Variants in USP19 observed in about 807,000 individuals in gnomAD.
USP19 encodes the protein ubiquitin carboxyl-terminal hydrolase 19.
USP19 carries 40 observed loss-of-function variants against 144.8 expected under a neutral mutation model. The observed-to-expected ratio is 0.28, with a 90% CI of 0.21 to 0.36. USP19 has a LOEUF of 0.36. Ranked by LOEUF, USP19 falls within the 10% of genes least tolerant of loss-of-function variation. The pLI is 1.00. For missense variants in USP19, 1,518 were observed against 1,822.5 expected (o/e 0.83, Z 3.04); for synonymous variants, 701 against 709.3 (o/e 0.99, Z 0.19).
rs901058193 is a variant in USP19, at chr3:49,117,913, T to A, written c.298+34A>T. The A allele has an allele frequency of 6.2e-7, 1 of 1,612,950 alleles. No homozygotes were observed. Among genetic ancestry groups the A allele is most frequent in the African/African-American group, 1.3e-5 (1 of 74,774 alleles). On this transcript the variant is annotated intron_variant, in intron 3 of 26. Coordinates refer to ENST00000417901, the MANE Select transcript of USP19 (RefSeq NM_001199161.2). The surrounding 1 kb of genome is among the most constrained non-coding windows in gnomAD (Gnocchi z 4.4). Reference sequence around the variant, plus strand: ...GCCAAATTGCAAGTGCCCCCTCCCCTTCCCTAGCAACAAAAAGCCCATTCG... The same window carrying A: ...GCCAAATTGCAAGTGCCCCCTCCCCATCCCTAGCAACAAAAAGCCCATTCG...
rs1193964137 is a variant in USP19 at position 49,116,386 on chromosome 3, G to A, written c.1284-35C>T. 1 of 1,613,988 alleles carries A rather than the reference G, an allele frequency of 6.2e-7. No individual in the cohort carries two copies. The highest frequency in any genetic ancestry group is 8.5e-7 in the Non-Finnish European group (1 of 1,180,004). ...CACAGCAGGATAGGAGGAAGGACAAGAGGAAGAGCATGAGACATACTGTCC... is the reference window on the plus strand; with the variant it reads ...CACAGCAGGATAGGAGGAAGGACAAAAGGAAGAGCATGAGACATACTGTCC... On this transcript the variant is annotated intron_variant, in intron 8 of 26. Transcript: ENST00000417901. The surrounding 1 kb of genome is among the most constrained non-coding windows in gnomAD (Gnocchi z 5.0).
chr3:49,111,432 AAAC>A lies in USP19; in HGVS notation c.3217+65_3217+67del. 6.2e-7 allele frequency: 1 copy of A among 1,613,446 alleles called. No individual in the cohort carries two copies. Among genetic ancestry groups the A allele is most frequent in the South Asian group, 1.1e-5 (1 of 91,084 alleles). ...GGCCTCACCAGGCCCACCAGGCCCT[AAAC>A]AACAGCCCCCTCCATCCTCCCTTAT... is the stretch of plus-strand genomic sequence containing the variant. On this transcript the variant is annotated intron_variant, in intron 21 of 26. Transcript: ENST00000417901. This position sits in a 1 kb window ranked among gnomAD's most constrained non-coding sequence, Gnocchi z 5.9.
chr3:49,117,376 G>A lies in USP19; in HGVS notation c.607-15C>T. The A allele has an allele frequency of 6.2e-7, 1 of 1,602,188 alleles. No individual in the cohort carries two copies. The highest frequency in any genetic ancestry group is 1.1e-5 in the South Asian group (1 of 90,758). Reference sequence around the variant, plus strand: ...AGAGGTTTCTTCTGCCAAAGATACAGCAGTCAGGCCCTGTCGACTACACTG... The same window carrying A: ...AGAGGTTTCTTCTGCCAAAGATACAACAGTCAGGCCCTGTCGACTACACTG... On this transcript the variant is annotated splice_polypyrimidine_tract_variant and intron_variant, in intron 5 of 26. Transcript: ENST00000417901. This position sits in a 1 kb window ranked among gnomAD's most constrained non-coding sequence, Gnocchi z 4.4.
Position 49,114,940 on chromosome 3 carries a change from C to T in USP19, c.2181+19G>A, listed in dbSNP as rs2043829631. The T allele has an allele frequency of 3.1e-6, 5 of 1,614,082 alleles. No individual in the cohort carries two copies. Among genetic ancestry groups the T allele is most frequent in the East Asian group, 2.2e-5 (1 of 44,896 alleles). ...GGGATGCTCATGAGACATGCCCACC[C>T]TCTGTCCCTAACCCTGACCTCATCG... On this transcript the variant is annotated intron_variant, in intron 14 of 26. Coordinates refer to ENST00000417901, the MANE Select transcript of USP19 (RefSeq NM_001199161.2). The surrounding 1 kb of genome is among the most constrained non-coding windows in gnomAD (Gnocchi z 4.5).
In USP19 at chr3:49,110,842, C is replaced by T. The variant is rs2043045305; in HGVS notation, c.3567G>A (p.Gln1189=). 1.2e-6 allele frequency: 2 copies of T among 1,614,080 alleles called. No individual in the cohort carries two copies. Among genetic ancestry groups the T allele is most frequent in the African/African-American group, 2.7e-5 (2 of 74,930 alleles). ...EEAWYCPQCK[Q]HREASKQLLL... ...ACAGCTGCTTGGAGGCCTCACGGTG[C>T]TGTTTGCACTGTGGGCAGTACCTGG... Residue 1189 remains glutamine (Q), a synonymous_variant, in exon 24 of 27, where the codon CAG becomes CAA. Coordinates refer to ENST00000417901, the MANE Select transcript of USP19 (RefSeq NM_001199161.2). The surrounding 1 kb of genome is among the most constrained non-coding windows in gnomAD (Gnocchi z 6.1).
intron 26 of USP19, 197 bp downstream of exon 26, chr3:49,109,987 A>C (rs2042895612): frequency 1.8e-6 from 1 of 544,272 alleles, no homozygotes; most frequent in Admixed American, 3.8e-5. Flanking sequence ...ATGTTAGTGT[A>C]CTTGTATGTT....
rs746418807 is a variant in USP19, at chr3:49,116,071, C to T, written c.1447G>A (p.Gly483Ser). ...LRKRQSQRWG[G>S]LEAPAARGAV... ...CCTCGTGCAGCCGGGGCCTCCAGGC[C>T]CCCCCAGCGCTGACTCTGCCTCTTA... Residue 483 changes from glycine to serine, a missense_variant, in exon 10 of 27, where the codon GGC (glycine) becomes AGC (serine). By Grantham distance (56) the Gly-to-Ser change is moderately conservative. Around this residue, in one of 5 missense-constraint regions of USP19, gnomAD observed 707 missense variants for 728.9 expected, o/e 0.97. Coordinates refer to ENST00000417901, the MANE Select transcript of USP19 (RefSeq NM_001199161.2). This position sits in a 1 kb window ranked among gnomAD's most constrained non-coding sequence, Gnocchi z 5.0. The T allele has an allele frequency of 1.4e-4, 223 of 1,604,500 alleles. 1 individual carries two copies. The highest frequency in any genetic ancestry group is 1.9e-4 in the Non-Finnish European group (219 of 1,177,630).
chr3:49,116,600 C>T lies in USP19; in HGVS notation c.1134G>A (p.Glu378=). Residue 378 remains glutamate, a synonymous_variant, in exon 8 of 27, where the codon GAG becomes GAA. Transcript: ENST00000417901. This position sits in a 1 kb window ranked among gnomAD's most constrained non-coding sequence, Gnocchi z 5.0. The stretch of plus-strand genomic sequence containing the variant: ...TGACAAACGCCAGGTTCACCATCGA[C>T]TCGGGCTCTATATTGAGACCATGGC... ...ADAATLVDEP[E]SMVNLAFVKN... is the part of the protein sequence containing the mutation. The T allele has an allele frequency of 1.9e-6, 3 of 1,614,164 alleles. No homozygotes were observed. In the South Asian group the frequency reaches 3.3e-5, roughly 18 times the overall value.
At position 49,117,520 on chromosome 3, in the gene USP19, C is replaced by T; in HGVS notation, c.523G>A (p.Ala175Thr). The T allele has an allele frequency of 3.1e-6, 5 of 1,614,132 alleles. No homozygotes were observed. The highest frequency in any genetic ancestry group is 3.4e-6 in the Non-Finnish European group (4 of 1,180,046). The change falls in exon 5 of 27, where the codon GCT (alanine) becomes ACT (threonine). Residue 175 changes from alanine to threonine, a missense_variant. This residue lies in a region of USP19 where 707 missense variants were observed against 728.9 expected (regional missense o/e 0.97). Coordinates refer to ENST00000417901, the MANE Select transcript of USP19 (RefSeq NM_001199161.2). This position sits in a 1 kb window ranked among gnomAD's most constrained non-coding sequence, Gnocchi z 4.4. ...CTGCCCTTGCGGGTTTGCACTTTAGCACAAGAGCTTTTTATCTCAGCATAG... is the reference window on the plus strand; with the variant it reads ...CTGCCCTTGCGGGTTTGCACTTTAGTACAAGAGCTTTTTATCTCAGCATAG... ...VFYAEIKSSC[A>T]KVQTRKGSLL...
Position 49,117,196 on chromosome 3 carries a change from C to T in USP19, c.772G>A (p.Ala258Thr). The T allele has an allele frequency of 6.5e-7, 1 of 1,547,860 alleles. No homozygotes were observed. Residue 258 changes from alanine (A) to threonine (T), a missense_variant, in exon 6 of 27, where the codon GCT becomes ACT. Physicochemically the swap from Ala to Thr is moderately conservative, Grantham distance 58. Coordinates refer to ENST00000417901, the MANE Select transcript of USP19 (RefSeq NM_001199161.2). The surrounding 1 kb of genome is among the most constrained non-coding windows in gnomAD (Gnocchi z 4.4). Reference sequence around the variant, plus strand: ...GGCCCTGCCTGGGCCCCGGGGCCAGCCCCTGCGCCTACCTCACCACGGCCC... The same window carrying T: ...GGCCCTGCCTGGGCCCCGGGGCCAGTCCCTGCGCCTACCTCACCACGGCCC... ...AQGRGEVGAG[A>T]GPGAQAGPSA...
At chr3:49,113,966 G>A in intron 17 of USP19, 26 bp downstream of exon 17, 1 of 1,611,260 alleles carries the variant, frequency 6.2e-7, no homozygotes, top group Non-Finnish European at 8.5e-7. Context: ...CCACACATGT[G>A]ATAGCCCAAG....
At position 49,117,447 on chromosome 3, in the gene USP19, G is replaced by A. The variant is rs751099608; in HGVS notation, c.596C>T (p.Pro199Leu). 1.9e-6 allele frequency: 3 copies of A among 1,614,118 alleles called. No homozygotes were observed. Among genetic ancestry groups the A allele is most frequent in the Admixed American group, 1.7e-5 (1 of 60,030 alleles). Reference protein sequence around the residue: ...LPKKVPMLTWPSLLKKPLGTQ... With the variant: ...LPKKVPMLTWLSLLKKPLGTQ... Reference sequence around the variant, plus strand: ...ACTACTAGAACTCACCAGGAGGGAGGGCCACGTGAGCATAGGCACCTTTTT... The same window carrying A: ...ACTACTAGAACTCACCAGGAGGGAGAGCCACGTGAGCATAGGCACCTTTTT... Residue 199 changes from proline to leucine, a missense_variant, in exon 5 of 27, where the codon CCC becomes CTC. Transcript: ENST00000417901. The surrounding 1 kb of genome is among the most constrained non-coding windows in gnomAD (Gnocchi z 4.4).
Position 49,110,216 on chromosome 3 carries a change from G to C in USP19, c.4006C>G (p.Leu1336Val), listed in dbSNP as rs772933836. The change falls in exon 26 of 27, where the codon CTA (leucine) becomes GTA (valine). Residue 1336 changes from leucine (L) to valine (V), a missense_variant. Physicochemically the swap from Leu to Val is conservative, Grantham distance 32 (BLOSUM62 1). Coordinates refer to ENST00000417901, the MANE Select transcript of USP19 (RefSeq NM_001199161.2). This position sits in a 1 kb window ranked among gnomAD's most constrained non-coding sequence, Gnocchi z 6.1. ...RAGHSEHHPD[L>V]GPAAEAAASQ... ...GCAGCAGCCTCAGCTGCAGGGCCTA[G>C]GTCTGGGTGGTGCTCAGAGTGACCT... The C allele has an allele frequency of 6.4e-7, 1 of 1,556,978 alleles. No individual in the cohort carries two copies. The highest frequency in any genetic ancestry group is 1.7e-4 in the Middle Eastern group (1 of 5,764).
At position 49,110,471 on chromosome 3, in the gene USP19, C is replaced by G; in HGVS notation, c.3832G>C (p.Asp1278His). Reference protein sequence around the residue: ...HYTACARLPNDRSSQRSDVGW... With the variant: ...HYTACARLPNHRSSQRSDVGW... ...ACGTCACTGCGCTGACTGCTACGAT[C>G]ATTGGGCAGGCGTGCACAGGCAGTG... Residue 1278 changes from aspartate (D) to histidine (H), a missense_variant, in exon 25 of 27, where the codon GAT (aspartate) becomes CAT (histidine). By Grantham distance (81) the Asp-to-His change is moderately conservative (BLOSUM62 -1). This residue lies in a region of USP19 where 122 missense variants were observed against 200.4 expected (regional missense o/e 0.61). Coordinates refer to ENST00000417901, the MANE Select transcript of USP19 (RefSeq NM_001199161.2). The surrounding 1 kb of genome is among the most constrained non-coding windows in gnomAD (Gnocchi z 6.1). 1 of 1,614,192 alleles carries G rather than the reference C, an allele frequency of 6.2e-7. No individual in the cohort carries two copies. The highest frequency in any genetic ancestry group is 1.1e-5 in the South Asian group (1 of 91,090).
Position 49,109,272 on chromosome 3 carries a change from G to A in USP19, c.4039-744C>T, listed in dbSNP as rs535886934. ...ACCCTTAGCCATGACAGTCCCACCTGGGGTGACTGGGGCTAACACCCTGCA... is the reference window on the plus strand; with the variant it reads ...ACCCTTAGCCATGACAGTCCCACCTAGGGTGACTGGGGCTAACACCCTGCA... On this transcript the variant is annotated intron_variant, in intron 26 of 26. Coordinates refer to ENST00000417901, the MANE Select transcript of USP19 (RefSeq NM_001199161.2). The A allele has an allele frequency of 6.1e-5, 86 of 1,414,932 alleles. 2 individuals carry two copies. In the South Asian group the frequency reaches 1.2e-3, roughly 20 times the overall value. The allele number at this position is 1,414,932 out of a possible 1,614,324, so 87.6% of individuals were successfully genotyped here.
Position 49,110,694 on chromosome 3 carries a change from C to A in USP19, c.3698+17G>T, listed in dbSNP as rs778893912. On this transcript the variant is annotated intron_variant, in intron 24 of 26. Transcript: ENST00000417901. This position sits in a 1 kb window ranked among gnomAD's most constrained non-coding sequence, Gnocchi z 6.1. Reference sequence around the variant, plus strand: ...GTCCTCACACCCCACCCACAGTTACCAAGGTCCACTGCTTACCTAACAGGG... The same window carrying A: ...GTCCTCACACCCCACCCACAGTTACAAAGGTCCACTGCTTACCTAACAGGG... The A allele has an allele frequency of 3.7e-6, 6 of 1,612,986 alleles. No individual in the cohort carries two copies. In the Admixed American group the frequency reaches 6.7e-5, roughly 18 times the overall value.
Position 49,112,341 on chromosome 3 carries a change from G to T in USP19, c.2708C>A (p.Ser903Ter), listed in dbSNP as rs781606184. Residue 903 changes from serine to a stop codon, truncating the protein, a stop_gained, in exon 19 of 27, where the codon TCG becomes TAG. Coordinates refer to ENST00000417901, the MANE Select transcript of USP19 (RefSeq NM_001199161.2). LOFTEE classifies it high-confidence loss of function. The surrounding 1 kb of genome is among the most constrained non-coding windows in gnomAD (Gnocchi z 4.9). Reference protein sequence around the residue: ...KCAACQRKQQSEDEKLKRCTR... With the variant: ...KCAACQRKQQ ...ACAGCGCTTCAGCTTTTCATCCTCC[G>T]ACTGTTGCTTCCGCTGGCAGGCTGC... 1 of 1,613,990 alleles carries T rather than the reference G, an allele frequency of 6.2e-7. No homozygotes were observed. The highest frequency in any genetic ancestry group is 8.5e-7 in the Non-Finnish European group (1 of 1,179,950).
Position 49,108,951 on chromosome 3 carries a change from G to A in USP19, c.4039-423C>T. 1 of 1,605,160 alleles carries A rather than the reference G, an allele frequency of 6.2e-7. No individual in the cohort carries two copies. Among genetic ancestry groups the A allele is most frequent in the Non-Finnish European group, 8.5e-7 (1 of 1,175,034 alleles). On this transcript the variant is annotated intron_variant, in intron 26 of 26. Transcript: ENST00000417901. The surrounding 1 kb of genome is among the most constrained non-coding windows in gnomAD (Gnocchi z 4.8). ...GGCCAGCTCACAGCAGCTGCCTGCA[G>A]GCGAGCTCATCTCCAGCGACTCTGG...
Position 49,111,283 on chromosome 3 carries a change from G to A in USP19, c.3300C>T (p.Ser1100=), listed in dbSNP as rs768890182. 3.7e-6 allele frequency: 6 copies of A among 1,614,176 alleles called. No individual in the cohort carries two copies. In the South Asian group the frequency reaches 6.6e-5, roughly 18 times the overall value. Residue 1100 remains serine, a synonymous_variant, in exon 22 of 27, where the codon TCC becomes TCT. Transcript: ENST00000417901. This position sits in a 1 kb window ranked among gnomAD's most constrained non-coding sequence, Gnocchi z 5.9. ...TGTCCTCTAGCCGCTGCTCTCGGTTGGATGAATCAATTTTATAGATGAAGA... is the reference window on the plus strand; with the variant it reads ...TGTCCTCTAGCCGCTGCTCTCGGTTAGATGAATCAATTTTATAGATGAAGA... ...PQFFIYKIDS[S]NREQRLEDKG... is the part of the protein sequence containing the mutation.
Sources: gnomAD v4.1 joint callset for allele counts on GRCh38, gnomAD v4.1.1 for gene constraint, gnomAD v4.1.1 regional missense constraint, Gnocchi (gnomAD v3.1) non-coding constraint, MANE v1.5 for transcripts, NCBI Gene and HGNC (gene_info 2026-07-23, HGNC 2026-07-21) for gene names.